The following ERBB2 variants were observed in gnomAD, a reference collection of about 807,000 sequenced individuals.
ERBB2 encodes the protein receptor tyrosine-protein kinase erbB-2.
Under a neutral mutation model 149.0 loss-of-function variants are expected in ERBB2, and 61 were observed. The ratio of observed to expected loss-of-function variants is 0.41; its 90% confidence interval spans 0.33 to 0.51. ERBB2 has a LOEUF of 0.51. Among genes scored for constraint, ERBB2 ranks in the 20% least tolerant of loss-of-function variants. The probability of loss-of-function intolerance (pLI) is 0.25; values close to 1 mark genes in which losing one functional copy is unlikely to be tolerated. For missense variants in ERBB2, 1,205 were observed against 1,655.1 expected, an observed-to-expected ratio of 0.73 and a Z score of 4.72; for synonymous variants, 633 against 678.8, an observed-to-expected ratio of 0.93 and a Z score of 1.05.
chr17:39,719,552 T>G (rs924147800), intron 15 of ERBB2, among the ~76,000 whole-genome samples: 1 of 152,198 alleles, frequency 6.6e-6, no homozygotes, highest in African/African-American at 2.4e-5. Context: ...CCCTCCCCGC[T>G]TCCTATCCAC....
Position 39,727,981 on chromosome 17 carries a change from C to T in ERBB2, c.3705C>T (p.Ser1235=), listed in dbSNP as rs4252657. 255 of 1,613,292 alleles carry T rather than the reference C, an allele frequency of 1.6e-4. No individual in the cohort carries two copies. In the African/African-American group the frequency reaches 3.1e-3, roughly 20 times the overall value. ...CACCAGAGCGGGGGGCTCCACCCAG[C>T]ACCTTCAAAGGGACACCTACGGCAG... ...QDPPERGAPP[S]TFKGTPTAEN... The change falls in exon 27 of 27, where the codon AGC becomes AGT. Residue 1235 remains serine (S), a synonymous_variant. Coordinates refer to ENST00000269571, the MANE Select transcript of ERBB2 (RefSeq NM_004448.4). This position sits in a 1 kb window ranked among gnomAD's most constrained non-coding sequence, Gnocchi z 4.3.
chr17:39,705,448 T>G (rs1210382763), intron 1 of ERBB2, among the ~76,000 whole-genome samples: 3 of 151,782 alleles, frequency 2.0e-5, no homozygotes, highest in African/African-American at 7.3e-5. Flanking sequence ...CTCTTGGGAG[T>G]CTGTTGGGGG....
Position 39,725,813 on chromosome 17 carries a change from C to T in ERBB2, c.2832C>T (p.Pro944=), listed in dbSNP as rs2143073722. 1.9e-6 allele frequency: 3 copies of T among 1,613,874 alleles called. No individual in the cohort carries two copies. The highest frequency in any genetic ancestry group is 2.5e-6 in the Non-Finnish European group (3 of 1,179,920). Reference sequence around the variant, plus strand: ...AAAAGGGGGAGCGGCTGCCCCAGCCCCCCATCTGCACCATTGATGTCTACA... The same window carrying T: ...AAAAGGGGGAGCGGCTGCCCCAGCCTCCCATCTGCACCATTGATGTCTACA... ...LLEKGERLPQ[P]PICTIDVYMI... is the part of the protein sequence containing the mutation. The change falls in exon 23 of 27, where the codon CCC becomes CCT. Residue 944 remains proline, a synonymous_variant. Coordinates refer to ENST00000269571, the MANE Select transcript of ERBB2 (RefSeq NM_004448.4). The surrounding 1 kb of genome is among the most constrained non-coding windows in gnomAD (Gnocchi z 4.6).
Position 39,727,332 on chromosome 17 carries a change from C to A in ERBB2, c.3197C>A (p.Ser1066Tyr), listed in dbSNP as rs2143235668. The A allele has an allele frequency of 6.2e-7, 1 of 1,612,598 alleles. No individual in the cohort carries two copies. Among genetic ancestry groups the A allele is most frequent in the Non-Finnish European group, 8.5e-7 (1 of 1,179,622 alleles). The change falls in exon 26 of 27, where the codon TCT becomes TAT. Residue 1066 changes from serine (S) to tyrosine (Y), a missense_variant. Ser to Tyr is a moderately radical substitution (Grantham distance 144). This residue lies in a region of ERBB2 where 312 missense variants were observed against 343.8 expected (regional missense o/e 0.91). Transcript: ENST00000269571. The surrounding 1 kb of genome is among the most constrained non-coding windows in gnomAD (Gnocchi z 4.3). Reference protein sequence around the residue: ...GGDLTLGLEPSEEEAPRSPLA... With the variant: ...GGDLTLGLEPYEEEAPRSPLA... ...GACCTGACACTAGGGCTGGAGCCCTCTGAAGAGGAGGCCCCCAGGTCTCCA... is the reference window on the plus strand; with the variant it reads ...GACCTGACACTAGGGCTGGAGCCCTATGAAGAGGAGGCCCCCAGGTCTCCA...
chr17:39,695,836 CTGT>C (rs1263991924), upstream of ERBB2, among the ~76,000 whole-genome samples: 1 of 152,096 alleles, frequency 6.6e-6, no homozygotes, highest in Non-Finnish European at 1.5e-5. Flanking sequence ...CAGCCCCAGC[CTGT>C]TGACTTAGAG....
At chr17:39,711,672 C>G (rs947154195) in intron 7 of ERBB2, among the ~76,000 whole-genome samples, 6 of 152,224 alleles carry the variant, frequency 3.9e-5, no homozygotes, top group Non-Finnish European at 5.9e-5. Flanking sequence ...ATCCTCGCTC[C>G]TCCACTCACT....
chr17:39,698,482 A>G (rs1374154553), upstream of ERBB2, among the ~76,000 whole-genome samples: 2 of 151,950 alleles, frequency 1.3e-5, no homozygotes, highest in African/African-American at 2.4e-5. Flanking sequence ...GATGGTCTCG[A>G]TCTCCTGACC....
chr17:39,697,127 C>T (rs1004230724), upstream of ERBB2, among the ~76,000 whole-genome samples: 1 of 152,214 alleles, frequency 6.6e-6, no homozygotes, highest in Admixed American at 6.5e-5. Flanking sequence ...AATTGCTTAC[C>T]TCAGTTCCCC....
chr17:39,716,856 G>A (rs543075678), intron 14 of ERBB2: 2 of 543,416 alleles, frequency 3.7e-6, no homozygotes, highest in Non-Finnish European at 6.6e-6. Flanking sequence ...TGCTAGGGTG[G>A]TGAGCCCTGT....
chr17:39,727,023 C>A lies in ERBB2; in HGVS notation c.3159+20C>A. ...ACCAGGGTCAGTGCCCTCGGTCACA[C>A]TGTGTGGCTGTCTGCTTACCTCCCC... On this transcript the variant is annotated intron_variant, in intron 25 of 26. Transcript: ENST00000269571. The surrounding 1 kb of genome is among the most constrained non-coding windows in gnomAD (Gnocchi z 4.3). The A allele has an allele frequency of 6.4e-7, 1 of 1,554,646 alleles. No homozygotes were observed. Among genetic ancestry groups the A allele is most frequent in the Non-Finnish European group, 8.7e-7 (1 of 1,153,120 alleles).
At position 39,728,234 on chromosome 17, in the gene ERBB2, T is replaced by C. The variant is rs1481094866; in HGVS notation, c.*190T>C. 23 of 543,454 alleles carry C rather than the reference T, an allele frequency of 4.2e-5. No homozygotes were observed. Among genetic ancestry groups the C allele is most frequent in the Non-Finnish European group, 6.5e-5 (20 of 305,344 alleles). 33.7% of individuals were successfully genotyped at this position (543,454 alleles called of 1,614,324 possible). On this transcript the variant is annotated 3_prime_UTR_variant, in exon 27 of 27. Transcript: ENST00000269571. ...GATGGCTGGAAGGGGTCCAGCCTCGTTGGAAGAGGAACAGCACTGGGGAGT... is the reference window on the plus strand; with the variant it reads ...GATGGCTGGAAGGGGTCCAGCCTCGCTGGAAGAGGAACAGCACTGGGGAGT...
Position 39,727,801 on chromosome 17 carries a change from AG to A in ERBB2, c.3528del (p.Lys1177ArgfsTer21), listed in dbSNP as rs1292830249. 1 of 1,613,308 alleles carries A rather than the reference AG, an allele frequency of 6.2e-7. No individual in the cohort carries two copies. Among genetic ancestry groups the A allele is most frequent in the Non-Finnish European group, 8.5e-7 (1 of 1,179,380 alleles). On this transcript the variant is annotated frameshift_variant, in exon 27 of 27. Coordinates refer to ENST00000269571, the MANE Select transcript of ERBB2 (RefSeq NM_004448.4). LOFTEE classifies it high-confidence loss of function. The surrounding 1 kb of genome is among the most constrained non-coding windows in gnomAD (Gnocchi z 4.3). ...TGGAAAGGCCCAAGACTCTCTCCCC[AG>A]GGAAGAATGGGGTCGTCAAAGACGT... ...TLERPKTLSP[G>X]KNGVVKDVFA...
chr17:39,695,626 G>A (rs941634135), upstream of ERBB2, among the ~76,000 whole-genome samples: 1 of 149,742 alleles, frequency 6.7e-6, no homozygotes, highest in African/African-American at 2.5e-5. Context: ...GACTCCTCCC[G>A]ATTTCTGTTT....
rs897618297 is a variant in ERBB2 at position 39,725,001 on chromosome 17, C to T, written c.2494-48C>T. The T allele has an allele frequency of 1.3e-5, 21 of 1,610,268 alleles. No individual in the cohort carries two copies. The highest frequency in any genetic ancestry group is 1.8e-5 in the Non-Finnish European group (21 of 1,177,182). On this transcript the variant is annotated intron_variant, in intron 20 of 26. Transcript: ENST00000269571. This position sits in a 1 kb window ranked among gnomAD's most constrained non-coding sequence, Gnocchi z 4.6. ...TGGGGACTCTTGCTGGGCATGTGGC[C>T]AGGCCCAGGCCCTCCCAGAAGGTCT...
In ERBB2 at chr17:39,724,871, G is replaced by A. The variant is rs2059661826; in HGVS notation, c.2453G>A (p.Gly818Asp). 2 of 1,614,204 alleles carry A rather than the reference G, an allele frequency of 1.2e-6. No individual in the cohort carries two copies. The highest frequency in any genetic ancestry group is 1.7e-6 in the Non-Finnish European group (2 of 1,180,034). The change falls in exon 20 of 27, where the codon GGC becomes GAC. Residue 818 changes from glycine to aspartate, a missense_variant. This residue lies in a region of ERBB2 where 152 missense variants were observed against 318.1 expected (regional missense o/e 0.48). Coordinates refer to ENST00000269571, the MANE Select transcript of ERBB2 (RefSeq NM_004448.4). ...DHVRENRGRL[G>D]SQDLLNWCMQ... ...GTCCGGGAAAACCGCGGACGCCTGG[G>A]CTCCCAGGACCTGCTGAACTGGTGT...
intron 13 of ERBB2, 31 bp downstream of exon 13, chr17:39,716,464 G>A (rs1567906351): frequency 6.2e-7 from 1 of 1,613,176 alleles, no homozygotes; most frequent in Non-Finnish European, 8.5e-7. Flanking sequence ...GGTGGCTGGA[G>A]GGGTGCATGG....
chr17:39,717,269 C>T (rs1214137358), intron 14 of ERBB2, 51 bp from the exon 15 acceptor site: 2 of 1,507,654 alleles, frequency 1.3e-6, no homozygotes, highest in Non-Finnish European at 1.8e-6. Context: ...GATCCTACTG[C>T]CCTGGGGGTG....
chr17:39,706,739 G>C (rs1034096022), intron 1 of ERBB2: 1 of 360,152 alleles, frequency 2.8e-6, no homozygotes, highest in African/African-American at 2.1e-5. Context: ...GGCACGCTGG[G>C]GCAGCCTCTG....
rs1482645941 is a variant in ERBB2, at chr17:39,715,927, G to C, written c.1501G>C (p.Glu501Gln). The stretch of plus-strand genomic sequence containing the variant: ...TCTGCTCCACACTGCCAACCGGCCA[G>C]AGGACGAGTGTGGTAAGACAGGGAG... Reference protein sequence around the residue: ...QALLHTANRPEDECVGEGLAC... With the variant: ...QALLHTANRPQDECVGEGLAC... Residue 501 changes from glutamate (E) to glutamine (Q), a missense_variant, in exon 12 of 27, where the codon GAG (glutamate) becomes CAG (glutamine). This residue lies in a region of ERBB2 where 569 missense variants were observed against 803.5 expected (regional missense o/e 0.71). Transcript: ENST00000269571. The C allele has an allele frequency of 6.2e-7, 1 of 1,609,604 alleles. No homozygotes were observed. The highest frequency in any genetic ancestry group is 8.5e-7 in the Non-Finnish European group (1 of 1,179,980).
Sources: allele counts gnomAD v4.1 joint callset (sites outside exome capture counted in the v4.1 genomes callset), GRCh38; gene constraint gnomAD v4.1.1; regional missense constraint gnomAD v4.1.1; non-coding constraint Gnocchi (gnomAD v3.1); transcripts MANE v1.5; gene names NCBI Gene and HGNC (gene_info 2026-07-23, HGNC 2026-07-21).